Variants in PLCB1 observed in about 807,000 individuals in gnomAD.
The protein encoded by PLCB1 is 1-phosphatidylinositol 4,5-bisphosphate phosphodiesterase beta-1.
PLCB1 carries 46 observed loss-of-function variants against 161.8 expected under a neutral mutation model. The ratio of observed to expected loss-of-function variants is 0.28; its 90% CI spans 0.22 to 0.36. PLCB1 has a LOEUF of 0.36. Ranked by LOEUF, PLCB1 falls within the 10% of genes least tolerant of loss-of-function variation. The probability of loss-of-function intolerance (pLI) is 1.00; values close to 1 mark genes in which losing one functional copy is unlikely to be tolerated. For missense variants in PLCB1, 1,016 were observed against 1,472.5 expected (o/e 0.69, Z 5.07); for synonymous variants, 517 against 503.7 (o/e 1.03, Z -0.35).
At chr20:8,534,411 T>A (rs1227376394) in intron 3 of PLCB1, among the ~76,000 whole-genome samples, 1 of 152,218 alleles carries the variant, frequency 6.6e-6, no homozygotes, top group East Asian at 1.9e-4. Context: ...TGTCAATTCC[T>A]CCAGCCACTA....
At chr20:8,816,242 A>G (rs758021994) in intron 31 of PLCB1, among the ~76,000 whole-genome samples, 3 of 152,146 alleles carry the variant, frequency 2.0e-5, no homozygotes, top group Non-Finnish European at 4.4e-5. Flanking sequence ...TATAAGAAAC[A>G]TTTTCACAAC....
chr20:8,469,371 G>C (rs1981953427), intron 3 of PLCB1, among the ~76,000 whole-genome samples: 1 of 152,006 alleles, frequency 6.6e-6, no homozygotes, highest in South Asian at 2.1e-4. Flanking sequence ...TAAAATGGTG[G>C]GAGGCCCCTA....
chr20:8,280,947 A>G (rs1334853735), intron 2 of PLCB1, among the ~76,000 whole-genome samples: 3 of 152,234 alleles, frequency 2.0e-5, no homozygotes, highest in Non-Finnish European at 2.9e-5. Context: ...AGCATTAAGC[A>G]GTAGTGCTCA....
chr20:8,309,286 G>A (rs866196401), intron 2 of PLCB1, among the ~76,000 whole-genome samples: 37 of 152,046 alleles, frequency 2.4e-4, no homozygotes, highest in African/African-American at 8.5e-4. Context: ...ATCCTTCTAC[G>A]AGGCACAGAG....
chr20:8,156,486 A>G (rs2051564854), intron 2 of PLCB1, among the ~76,000 whole-genome samples: 1 of 152,250 alleles, frequency 6.6e-6, no homozygotes, highest in Non-Finnish European at 1.5e-5. Flanking sequence ...ATAGTGCTTA[A>G]CAACTTAATA....
At chr20:8,178,815 G>A (rs2051809314) in intron 2 of PLCB1, among the ~76,000 whole-genome samples, 1 of 152,142 alleles carries the variant, frequency 6.6e-6, no homozygotes, top group Admixed American at 6.5e-5. Context: ...TTTGTATATG[G>A]TTTAAAGAAA....
intron 2 of PLCB1, among the ~76,000 whole-genome samples, chr20:8,189,296 T>C (rs2051940270): frequency 6.7e-6 from 1 of 150,004 alleles, no homozygotes; most frequent in South Asian, 2.1e-4. Context: ...GTGGATATGA[T>C]AATTTGTTTG....
intron 9 of PLCB1, among the ~76,000 whole-genome samples, chr20:8,659,746 C>T (rs1989569862): frequency 6.6e-6 from 1 of 152,108 alleles, no homozygotes; most frequent in African/African-American, 2.4e-5. Flanking sequence ...AATCCCAACA[C>T]TTTGGGAGGC....
At chr20:8,228,369 C>T (rs1208423277) in intron 2 of PLCB1, among the ~76,000 whole-genome samples, 1 of 152,096 alleles carries the variant, frequency 6.6e-6, no homozygotes, top group Non-Finnish European at 1.5e-5. Context: ...CCCCTCAAAG[C>T]TGCACTTTCC....
intron 3 of PLCB1, among the ~76,000 whole-genome samples, chr20:8,505,982 C>T (rs990045261): frequency 6.6e-6 from 1 of 152,182 alleles, no homozygotes; most frequent in Non-Finnish European, 1.5e-5. Flanking sequence ...TAGAATTTAA[C>T]TTCCTTTTCT....
intron 3 of PLCB1, among the ~76,000 whole-genome samples, chr20:8,541,738 A>G (rs1235850450): frequency 6.6e-6 from 1 of 152,228 alleles, no homozygotes; most frequent in East Asian, 1.9e-4. Context: ...ATACATAACT[A>G]GTTCCATGCT....
chr20:8,559,514 C>T (rs1229073593), intron 3 of PLCB1, among the ~76,000 whole-genome samples: 3 of 151,834 alleles, frequency 2.0e-5, no homozygotes. Context: ...CAATTAAAAA[C>T]AGAGATTGTC....
chr20:8,604,313 C>T (rs1286049126), intron 3 of PLCB1, among the ~76,000 whole-genome samples: 1 of 147,790 alleles, frequency 6.8e-6, no homozygotes, highest in East Asian at 2.0e-4. Context: ...GTAAATTTCA[C>T]CTTGTTTTTA....
At chr20:8,709,219 C>T (rs1484114802) in intron 12 of PLCB1, among the ~76,000 whole-genome samples, 1 of 152,150 alleles carries the variant, frequency 6.6e-6, no homozygotes, top group Non-Finnish European at 1.5e-5. Flanking sequence ...CCATATTCCC[C>T]CTTTTCACTG....
chr20:8,490,030 A>T (rs1030980929), intron 3 of PLCB1, among the ~76,000 whole-genome samples: 1 of 152,196 alleles, frequency 6.6e-6, no homozygotes, highest in African/African-American at 2.4e-5. Flanking sequence ...AGAATACAAT[A>T]TAAAAATGTC....
At chr20:8,681,094 A>ATATAT (rs1425999238) in intron 9 of PLCB1, among the ~76,000 whole-genome samples, 2 of 75,724 alleles carry the variant, frequency 2.6e-5, no homozygotes, top group Admixed American at 2.9e-4. Flanking sequence ...GTGTATATAT[A>ATATAT]TATATATATA....
At chr20:8,699,913 G>T (rs1990661942) in intron 11 of PLCB1, among the ~76,000 whole-genome samples, 1 of 152,204 alleles carries the variant, frequency 6.6e-6, no homozygotes, top group Admixed American at 6.5e-5. Flanking sequence ...TAAAAGCTGT[G>T]TCTGTTCCTG....
intron 2 of PLCB1, among the ~76,000 whole-genome samples, chr20:8,196,859 C>T (rs948574013): frequency 6.6e-6 from 1 of 151,828 alleles, no homozygotes; most frequent in Non-Finnish European, 1.5e-5. Context: ...TGATGTCCCC[C>T]TTCCTGTGTC....
intron 4 of PLCB1, among the ~76,000 whole-genome samples, chr20:8,632,035 C>CTTT (rs34028351): frequency 0.029 from 1,313 of 45,800 alleles, 160 homozygotes; most frequent in East Asian, 0.14. Context: ...GTTTTTTTTG[C>CTTT]TTTTTTTTTT....
Sources: gnomAD v4.1 joint callset for allele counts (sites outside exome capture counted in the v4.1 genomes callset) on GRCh38, gnomAD v4.1.1 for gene constraint, MANE v1.5 for transcripts, NCBI Gene and HGNC (gene_info 2026-07-23, HGNC 2026-07-21) for gene names.